The following CHN2 variants were observed in gnomAD, a reference collection of about 807,000 sequenced individuals.
CHN2 encodes the protein chimerin 2.
A neutral mutation model predicts 56.3 loss-of-function variants in CHN2; 35 were observed. That is an observed-to-expected ratio of 0.62 (90% CI 0.47 to 0.82). The LOEUF is 0.82. Among genes scored for constraint, CHN2 ranks in the 40% least tolerant of loss-of-function variants. CHN2 has a pLI of 0.00. For synonymous variants in CHN2, 210 were observed against 212.8 expected, an observed-to-expected ratio of 0.99 and a Z score of 0.12; for missense variants, 491 against 580.5, an observed-to-expected ratio of 0.85 and a Z score of 1.58.
At chr7:29,405,871 C>T (rs942069229) in intron 6 of CHN2, among the ~76,000 whole-genome samples, 2 of 152,188 alleles carry the variant, frequency 1.3e-5, no homozygotes, top group African/African-American at 4.8e-5. Context: ...ATGTGATCTG[C>T]TGGCCTGTCC....
Position 29,174,722 on chromosome 7 carries a change from C to T in CHN2, c.274+27762C>T, listed in dbSNP as rs76288487. ...CTAAAGATACAAAATTAGCTGGGCA[C>T]GGTGGCACACACCTGTAATCCCAGC... On this transcript the variant is annotated intron_variant, in intron 2 of 6. Coordinates refer to the CHN2 transcript ENST00000439384. Among the ~76,000 whole-genome samples the T allele has an allele frequency of 7.7e-4, 117 of 151,994 alleles. 2 individuals carry two copies. In the East Asian group the frequency reaches 0.018, roughly 23 times the overall value.
intron 2 of CHN2, among the ~76,000 whole-genome samples, chr7:29,164,358 GT>G (rs1795617339): frequency 6.6e-6 from 1 of 151,964 alleles, no homozygotes; most frequent in Non-Finnish European, 1.5e-5. Flanking sequence ...TTCTTATTAA[GT>G]TGTAAGGGTT....
At chr7:29,359,996 C>G (rs1414672242) in intron 2 of CHN2, among the ~76,000 whole-genome samples, 14 of 152,208 alleles carry the variant, frequency 9.2e-5, no homozygotes, top group African/African-American at 3.1e-4. Flanking sequence ...AAACCCTGAT[C>G]TGCAGAATCC....
chr7:29,297,503 T>C (rs1469123998), intron 1 of CHN2, among the ~76,000 whole-genome samples: 1 of 152,086 alleles, frequency 6.6e-6, no homozygotes, highest in Non-Finnish European at 1.5e-5. Flanking sequence ...TGCGTGATCA[T>C]TTGGAGTTTG....
intron 6 of CHN2, among the ~76,000 whole-genome samples, chr7:29,451,566 A>T (rs957775065): frequency 6.6e-6 from 1 of 150,476 alleles, no homozygotes; most frequent in Admixed American, 6.6e-5. Flanking sequence ...ATTAATTACA[A>T]ATTTATTAAT....
intron 2 of CHN2, among the ~76,000 whole-genome samples, chr7:29,166,283 A>G (rs1396325510): frequency 6.6e-6 from 1 of 151,896 alleles, no homozygotes; most frequent in Non-Finnish European, 1.5e-5. Flanking sequence ...TCCCATCTCA[A>G]CCTCTCAGAA....
At chr7:29,149,717 G>A (rs1006746361) in intron 2 of CHN2, among the ~76,000 whole-genome samples, 16 of 152,034 alleles carry the variant, frequency 1.1e-4, no homozygotes, top group African/African-American at 1.4e-4. Context: ...ATCCTTCCTC[G>A]CTGCTTCTAG....
chr7:29,337,772 T>G (rs1796736652), intron 1 of CHN2, among the ~76,000 whole-genome samples: 1 of 152,208 alleles, frequency 6.6e-6, no homozygotes, highest in Admixed American at 6.5e-5. Flanking sequence ...GTCCTTACTC[T>G]TGCTTCTTCC....
intron 6 of CHN2, among the ~76,000 whole-genome samples, chr7:29,437,425 C>T (rs1323066039): frequency 1.9e-5 from 2 of 107,896 alleles, no homozygotes; most frequent in Non-Finnish European, 3.8e-5. Context: ...GGTGAAACCC[C>T]GTCTCTACTA....
At chr7:29,337,594 A>G (rs1206152001) in intron 1 of CHN2, among the ~76,000 whole-genome samples, 1 of 152,134 alleles carries the variant, frequency 6.6e-6, no homozygotes, top group East Asian at 1.9e-4. Context: ...TCATAGACCT[A>G]CTGATGCTGT....
At chr7:29,509,436 C>G in intron 12 of CHN2, 30 bp downstream of exon 12, 1 of 1,552,714 alleles carries the variant, frequency 6.4e-7, no homozygotes, top group South Asian at 1.1e-5. Context: ...ACAAAGCCTG[C>G]TCTGCTCCTA....
At chr7:29,430,218 C>G (rs1782740105) in intron 6 of CHN2, among the ~76,000 whole-genome samples, 1 of 152,158 alleles carries the variant, frequency 6.6e-6, no homozygotes. Context: ...TGCGTTGGAG[C>G]TGATGGTTTT....
intron 6 of CHN2, among the ~76,000 whole-genome samples, chr7:29,431,220 C>A (rs1782841971): frequency 6.6e-6 from 1 of 152,192 alleles, no homozygotes; most frequent in Non-Finnish European, 1.5e-5. Context: ...ACTTTTCTAG[C>A]CACTTGTAGC....
intron 1 of CHN2, among the ~76,000 whole-genome samples, chr7:29,312,028 G>A (rs1562909435): frequency 6.6e-6 from 1 of 151,988 alleles, no homozygotes; most frequent in Admixed American, 6.6e-5. Context: ...TAAATTTTGG[G>A]TATGATTTGA....
At chr7:29,198,939 C>T (rs1397094701) in intron 1 of CHN2, among the ~76,000 whole-genome samples, 1 of 152,004 alleles carries the variant, frequency 6.6e-6, no homozygotes, top group Non-Finnish European at 1.5e-5. Context: ...AAACGTAAAC[C>T]CACTGTATTA....
intron 6 of CHN2, among the ~76,000 whole-genome samples, chr7:29,437,087 T>G (rs950817624): frequency 3.7e-4 from 56 of 152,162 alleles, no homozygotes; most frequent in African/African-American, 1.4e-3. Context: ...TTCCTGCCAA[T>G]GTCTACATCT....
intron 6 of CHN2, among the ~76,000 whole-genome samples, chr7:29,456,311 T>G (rs73309023): frequency 0.08 from 12,124 of 152,216 alleles, 889 homozygotes; most frequent in African/African-American, 0.2. Context: ...CAGATGTCTA[T>G]CTCCTCAACT....
At chr7:29,404,257 G>A (rs775987478) in intron 6 of CHN2, among the ~76,000 whole-genome samples, 27 of 152,008 alleles carry the variant, frequency 1.8e-4, no homozygotes, top group East Asian at 5.8e-4. Flanking sequence ...CTGCTATTAC[G>A]AGCTATAATA....
At chr7:29,396,055 C>T (rs934414907) in intron 4 of CHN2, among the ~76,000 whole-genome samples, 1 of 151,758 alleles carries the variant, frequency 6.6e-6, no homozygotes, top group African/African-American at 2.4e-5. Context: ...CACATGTTCT[C>T]CATAAATATG....
Sources: gnomAD v4.1 joint callset for allele counts (sites outside exome capture counted in the v4.1 genomes callset) on GRCh38, gnomAD v4.1.1 for gene constraint, MANE v1.5 for transcripts, NCBI Gene and HGNC (gene_info 2026-07-23, HGNC 2026-07-21) for gene names.